Variants in RPS6KA4 observed in about 807,000 individuals in gnomAD.
RPS6KA4 encodes ribosomal protein S6 kinase A4, also known as ribosomal protein S6 kinase alpha-4.
A neutral mutation model predicts 89.6 loss-of-function variants in RPS6KA4; 38 were observed. The observed-to-expected ratio is 0.42, with a 90% confidence interval of 0.33 to 0.56. RPS6KA4 has a LOEUF of 0.56. Ranked by LOEUF, RPS6KA4 falls within the 20% of genes least tolerant of loss-of-function variation. The pLI, the probability that RPS6KA4 is intolerant of heterozygous loss-of-function variation, is 0.07. For synonymous variants in RPS6KA4, 495 were observed against 492.8 expected, an observed-to-expected ratio of 1.00 and a Z score of -0.06; for missense variants, 873 against 1,098.8, an observed-to-expected ratio of 0.79 and a Z score of 2.90.
intron 12 of RPS6KA4, 25 bp from the exon 13 acceptor site, chr11:64,369,421 C>T (rs546140501): frequency 6.4e-6 from 10 of 1,561,594 alleles, no homozygotes; most frequent in African/African-American, 1.4e-5. Context: ...TGGGTGTTGA[C>T]CTTGGCCCGC....
chr11:64,360,674 A>G lies in RPS6KA4; in HGVS notation c.462+82A>G, dbSNP rs777999502. On this transcript the variant is annotated intron_variant, in intron 4 of 16. Coordinates refer to ENST00000334205, the MANE Select transcript of RPS6KA4 (RefSeq NM_003942.3). ...AGGAATCTGCACGCAGGGCAGCCTC[A>G]GGCTTCCCCCTGGGCTTCCTGGGGG... The G allele has an allele frequency of 9.4e-6, 12 of 1,272,768 alleles. 1 individual carries two copies. Among genetic ancestry groups the G allele is most frequent in the Middle Eastern group, 2.0e-4 (1 of 4,958 alleles). 78.8% of individuals were successfully genotyped at this position (1,272,768 alleles called of 1,614,324 possible). A position where few individuals can be genotyped will look rare whatever the true frequency, so the allele number is the denominator to read the frequency against.
chr11:64,359,328 C>T (rs1406614603), intron 1 of RPS6KA4, 38 bp downstream of exon 1: 4 of 1,607,410 alleles, frequency 2.5e-6, no homozygotes, highest in Non-Finnish European at 3.4e-6. Flanking sequence ...CCGGGGCAGG[C>T]CGGGACGGGT....
chr11:64,361,792 G>T lies in RPS6KA4; in HGVS notation c.755+47G>T, dbSNP rs541179159. On this transcript the variant is annotated intron_variant, in intron 7 of 16. Coordinates refer to ENST00000334205, the MANE Select transcript of RPS6KA4 (RefSeq NM_003942.3). The surrounding 1 kb of genome is among the most constrained non-coding windows in gnomAD (Gnocchi z 4.7). The stretch of plus-strand genomic sequence containing the variant: ...GGGCGGCCAGAGGGCTGCAGGGCCT[G>T]CCTGGGCAGGGCTGTGGGTGGGGGG... The T allele has an allele frequency of 6.3e-7, 1 of 1,586,160 alleles. No homozygotes were observed. The highest frequency in any genetic ancestry group is 1.4e-5 in the African/African-American group (1 of 73,308).
rs771260141 is a variant in RPS6KA4 at position 64,365,314 on chromosome 11, T to A, written c.920T>A (p.Val307Glu). ...CCCTTCCCTCAGGGCCTCGATTGGG[T>A]GGCTCTGGCTGCCAGGAAGATTCCA... ...NHPFFQGLDW[V>E]ALAARKIPAP... Residue 307 changes from valine (V) to glutamate (E), a missense_variant, in exon 9 of 17, where the codon GTG becomes GAG. Transcript: ENST00000334205. 5.5e-5 allele frequency: 89 copies of A among 1,613,316 alleles called. No homozygotes were observed. Among genetic ancestry groups the A allele is most frequent in the Non-Finnish European group, 7.5e-5 (89 of 1,179,634 alleles).
rs550019138 is a variant in RPS6KA4, at chr11:64,368,266, C to G, written c.1200+6C>G. On this transcript the variant is annotated splice_donor_region_variant and intron_variant, in intron 10 of 16. Coordinates refer to ENST00000334205, the MANE Select transcript of RPS6KA4 (RefSeq NM_003942.3). ...CCAGGAGCGCTATGATGCAGGTGGG[C>G]TGGGCTGGGCTGGGTTGGGGGGAAA... 1.3e-6 allele frequency: 2 copies of G among 1,584,610 alleles called. No individual in the cohort carries two copies. Among genetic ancestry groups the G allele is most frequent in the East Asian group, 4.5e-5 (2 of 44,752 alleles).
chr11:64,359,938 C>T (rs778085407), intron 2 of RPS6KA4: 1 of 589,674 alleles, frequency 1.7e-6, no homozygotes, highest in Non-Finnish European at 3.0e-6. Flanking sequence ...GATGCATGCT[C>T]CCCAGCCTGG....
At position 64,361,788 on chromosome 11, in the gene RPS6KA4, G is replaced by T; in HGVS notation, c.755+43G>T. The T allele has an allele frequency of 3.2e-6, 5 of 1,584,908 alleles. No homozygotes were observed. Among genetic ancestry groups the T allele is most frequent in the Non-Finnish European group, 4.3e-6 (5 of 1,168,006 alleles). On this transcript the variant is annotated intron_variant, in intron 7 of 16. Transcript: ENST00000334205. The surrounding 1 kb of genome is among the most constrained non-coding windows in gnomAD (Gnocchi z 4.7). ...TGGAGGGCGGCCAGAGGGCTGCAGGGCCTGCCTGGGCAGGGCTGTGGGTGG... is the reference window on the plus strand; with the variant it reads ...TGGAGGGCGGCCAGAGGGCTGCAGGTCCTGCCTGGGCAGGGCTGTGGGTGG...
chr11:64,362,011 G>T lies in RPS6KA4; in HGVS notation c.906+9G>T. 6.2e-7 allele frequency: 1 copy of T among 1,606,902 alleles called. No individual in the cohort carries two copies. The highest frequency in any genetic ancestry group is 1.1e-5 in the South Asian group (1 of 90,430). ...ACCATCCCTTCTTCCAGGTGAGGCT[G>T]ACTCAGGGCCCCATACCTCCTGGTG... On this transcript the variant is annotated intron_variant, in intron 8 of 16. Transcript: ENST00000334205.
chr11:64,366,295 TGAG>T (rs1296431096), intron 9 of RPS6KA4, among the ~76,000 whole-genome samples: 1 of 151,984 alleles, frequency 6.6e-6, no homozygotes, highest in East Asian at 1.9e-4. Flanking sequence ...CTTAGCCTCC[TGAG>T]TAGTTGGGAC....
chr11:64,361,011 G>T lies in RPS6KA4; in HGVS notation c.463-123G>T. The T allele has an allele frequency of 1.4e-6, 1 of 695,272 alleles. No individual in the cohort carries two copies. Among genetic ancestry groups the T allele is most frequent in the Non-Finnish European group, 2.4e-6 (1 of 414,576 alleles). The allele number at this position is 695,272 out of a possible 1,614,324, so 43.1% of individuals were successfully genotyped here. A position where few individuals can be genotyped will look rare whatever the true frequency, so the allele number is the denominator to read the frequency against. On this transcript the variant is annotated intron_variant, in intron 4 of 16. Transcript: ENST00000334205. This position sits in a 1 kb window ranked among gnomAD's most constrained non-coding sequence, Gnocchi z 4.7. ...TCTTATTCAGTGGCTCTGCCCTGGA[G>T]ACCCCCTCTACAGGCAGATGACTTT...
At chr11:64,368,091 C>T (rs952773751) in intron 9 of RPS6KA4, 41 bp from the exon 10 acceptor site, 2 of 1,605,606 alleles carry the variant, frequency 1.2e-6, no homozygotes, top group South Asian at 1.1e-5. Context: ...GCACCCCCAA[C>T]CCCCATGCCC....
chr11:64,368,690 G>C lies in RPS6KA4; in HGVS notation c.1335-14G>C. On this transcript the variant is annotated splice_polypyrimidine_tract_variant and intron_variant, in intron 11 of 16. Coordinates refer to ENST00000334205, the MANE Select transcript of RPS6KA4 (RefSeq NM_003942.3). ...AAGCGCGGCGACCGTAACTCCTTCT[G>C]CTCCGTCCCCCAGGCTGGAGGCGAA... 6.3e-7 allele frequency: 1 copy of C among 1,575,674 alleles called. No individual in the cohort carries two copies. The highest frequency in any genetic ancestry group is 8.6e-7 in the Non-Finnish European group (1 of 1,161,278).
chr11:64,371,030 G>T (rs1268488637), intron 16 of RPS6KA4, among the ~76,000 whole-genome samples: 1 of 150,570 alleles, frequency 6.6e-6, no homozygotes, highest in Non-Finnish European at 1.5e-5. Context: ...CTTGAACCCA[G>T]GAGGCGGAGG....
In RPS6KA4 at chr11:64,369,438, G is replaced by C. The variant is rs1251886568; in HGVS notation, c.1429-8G>C. 2 of 1,586,066 alleles carry C rather than the reference G, an allele frequency of 1.3e-6. No homozygotes were observed. The highest frequency in any genetic ancestry group is 1.7e-6 in the Non-Finnish European group (2 of 1,168,850). ...GGTGTTGACCTTGGCCCGCCACGCCGCCCGCAGCTGCACACGTACCTGGTC... is the reference window on the plus strand; with the variant it reads ...GGTGTTGACCTTGGCCCGCCACGCCCCCCGCAGCTGCACACGTACCTGGTC... On this transcript the variant is annotated splice_polypyrimidine_tract_variant and splice_region_variant and intron_variant, in intron 12 of 16. Coordinates refer to ENST00000334205, the MANE Select transcript of RPS6KA4 (RefSeq NM_003942.3).
chr11:64,359,367 T>C lies in RPS6KA4; in HGVS notation c.56-11T>C, dbSNP rs968087820. 9 of 1,612,614 alleles carry C rather than the reference T, an allele frequency of 5.6e-6. No homozygotes were observed. In the Admixed American group the frequency reaches 1.3e-4, roughly 24 times the overall value. On this transcript the variant is annotated splice_polypyrimidine_tract_variant and intron_variant, in intron 1 of 16. Coordinates refer to ENST00000334205, the MANE Select transcript of RPS6KA4 (RefSeq NM_003942.3). ...GGACCGGCTGGGCTCATTCGCCCCCTGTGCCCACAGCCAACCTGACCGGGC... is the reference window on the plus strand; with the variant it reads ...GGACCGGCTGGGCTCATTCGCCCCCCGTGCCCACAGCCAACCTGACCGGGC...
chr11:64,361,601 G>A lies in RPS6KA4; in HGVS notation c.652-41G>A, dbSNP rs2036751121. ...GGGAGGTGGAAAGGTGGGGTGTGAG[G>A]CAGGGGAGATGCAGGCCCTCACCCC... On this transcript the variant is annotated intron_variant, in intron 6 of 16. Coordinates refer to ENST00000334205, the MANE Select transcript of RPS6KA4 (RefSeq NM_003942.3). This position sits in a 1 kb window ranked among gnomAD's most constrained non-coding sequence, Gnocchi z 4.7. 2.5e-6 allele frequency: 4 copies of A among 1,613,388 alleles called. No homozygotes were observed. The highest frequency in any genetic ancestry group is 3.4e-6 in the Non-Finnish European group (4 of 1,179,628).
In RPS6KA4 at chr11:64,361,386, G is replaced by A; in HGVS notation, c.571-83G>A. 6.5e-7 allele frequency: 1 copy of A among 1,533,038 alleles called. No homozygotes were observed. The allele number at this position is 1,533,038 out of a possible 1,614,324, so 95.0% of individuals were successfully genotyped here. Reference sequence around the variant, plus strand: ...GCTCAGCTCTCCAACCTCACAAGTTGAGCGAGTCTTACTCTGGGCCTTGTG... The same window carrying A: ...GCTCAGCTCTCCAACCTCACAAGTTAAGCGAGTCTTACTCTGGGCCTTGTG... On this transcript the variant is annotated intron_variant, in intron 5 of 16. Coordinates refer to ENST00000334205, the MANE Select transcript of RPS6KA4 (RefSeq NM_003942.3). This position sits in a 1 kb window ranked among gnomAD's most constrained non-coding sequence, Gnocchi z 4.7.
chr11:64,370,683 C>T lies in RPS6KA4; in HGVS notation c.2078C>T (p.Ser693Phe). Residue 693 changes from serine (S) to phenylalanine (F), a missense_variant, in exon 16 of 17, where the codon TCC becomes TTC. Around this residue, in one of 4 missense-constraint regions of RPS6KA4, gnomAD observed 278 missense variants for 284.8 expected, o/e 0.98. Transcript: ENST00000334205. This position sits in a 1 kb window ranked among gnomAD's most constrained non-coding sequence, Gnocchi z 4.1. Reference protein sequence around the residue: ...PPLRTPDVLESSGPAVRSGLN... With the variant: ...PPLRTPDVLEFSGPAVRSGLN... ...CTCCGGACGCCCGACGTGCTCGAGT[C>T]CTCTGGGCCCGCAGTGCGCTCGGGT... The T allele has an allele frequency of 6.4e-7, 1 of 1,571,430 alleles. No homozygotes were observed. The highest frequency in any genetic ancestry group is 8.6e-7 in the Non-Finnish European group (1 of 1,164,558).
intron 2 of RPS6KA4, 102 bp downstream of exon 2, chr11:64,359,551 A>G: frequency 8.0e-7 from 1 of 1,250,508 alleles, no homozygotes; most frequent in Non-Finnish European, 1.1e-6. Context: ...CAGGCCCCCC[A>G]CCCTTTCCCG....
Sources: gnomAD v4.1 joint callset for allele counts (sites outside exome capture counted in the v4.1 genomes callset) on GRCh38, gnomAD v4.1.1 for gene constraint, gnomAD v4.1.1 regional missense constraint, Gnocchi (gnomAD v3.1) non-coding constraint, MANE v1.5 for transcripts, NCBI Gene and HGNC (gene_info 2026-07-23, HGNC 2026-07-21) for gene names.